CADM2: variants seen among roughly 807,000 people sequenced by gnomAD.
CADM2 encodes the protein cell adhesion molecule 2.
CADM2 carries 12 observed loss-of-function variants against 49.8 expected under a neutral mutation model. That is an observed-to-expected ratio of 0.24 (90% CI 0.15 to 0.39). CADM2 has a LOEUF of 0.39. Among genes scored for constraint, CADM2 ranks in the 10% least tolerant of loss-of-function variants. CADM2 has a pLI of 1.00. For synonymous variants in CADM2, 214 were observed against 175.4 expected (o/e 1.22, Z -1.74); for missense variants, 378 against 492.3 (o/e 0.77, Z 2.20).
At chr3:85,975,561 A>G (rs895004951) in intron 8 of CADM2, among the ~76,000 whole-genome samples, 1 of 150,344 alleles carries the variant, frequency 6.7e-6, no homozygotes, top group Non-Finnish European at 1.5e-5. Flanking sequence ...TTTTATTAGA[A>G]CATATTTTAT....
chr3:85,430,647 GA>G (rs2036618538), intron 1 of CADM2, among the ~76,000 whole-genome samples: 2 of 142,930 alleles, frequency 1.4e-5, no homozygotes, highest in African/African-American at 5.2e-5. Flanking sequence ...AAAGAGAGGA[GA>G]AAAACAGAAA....
intron 1 of CADM2, among the ~76,000 whole-genome samples, chr3:85,609,155 C>A (rs2107441743): frequency 6.6e-6 from 1 of 152,036 alleles, no homozygotes; most frequent in East Asian, 1.9e-4. Context: ...GAAGCCCACT[C>A]CTGGTGTACC....
At chr3:85,652,458 T>A (rs1228311171) in intron 1 of CADM2, among the ~76,000 whole-genome samples, 1 of 151,992 alleles carries the variant, frequency 6.6e-6, no homozygotes, top group Admixed American at 6.5e-5. Context: ...AGTTAAGGAG[T>A]TTGATCAGGT....
At chr3:85,115,955 C>T (rs570024559) in intron 1 of CADM2, among the ~76,000 whole-genome samples, 68 of 152,306 alleles carry the variant, frequency 4.5e-4, no homozygotes, top group African/African-American at 1.6e-3. Context: ...AACTGAATAA[C>T]ATCAGTAACA....
intron 8 of CADM2, among the ~76,000 whole-genome samples, chr3:86,003,522 A>G (rs1217299673): frequency 2.6e-5 from 4 of 152,218 alleles, no homozygotes; most frequent in Admixed American, 2.0e-4. Context: ...TGTGACTACA[A>G]TAATATTGCT....
intron 8 of CADM2, among the ~76,000 whole-genome samples, chr3:85,968,477 A>T (rs1414348980): frequency 6.6e-6 from 1 of 151,704 alleles, no homozygotes; most frequent in African/African-American, 2.4e-5. Context: ...CTGTTGAGAG[A>T]TGCCATTCTG....
chr3:85,434,921 G>A (rs574378464), intron 1 of CADM2, among the ~76,000 whole-genome samples: 1 of 151,930 alleles, frequency 6.6e-6, no homozygotes. Context: ...GTTGTATAGT[G>A]GATATAAGAG....
intron 1 of CADM2, among the ~76,000 whole-genome samples, chr3:85,149,479 C>A (rs1397165619): frequency 6.6e-6 from 1 of 152,190 alleles, no homozygotes; most frequent in East Asian, 1.9e-4. Context: ...GTAATCCCAG[C>A]ACTTTGGGAG....
chr3:85,822,702 A>G (rs2073662624), intron 3 of CADM2, among the ~76,000 whole-genome samples: 1 of 152,186 alleles, frequency 6.6e-6, no homozygotes, highest in African/African-American at 2.4e-5. Context: ...TTTATCCTAT[A>G]AAGTTATAGT....
chr3:85,768,492 A>G (rs532705842), intron 2 of CADM2, among the ~76,000 whole-genome samples: 40 of 73,826 alleles, frequency 5.4e-4, no homozygotes, highest in Middle Eastern at 6.3e-3. Context: ...AAATAAATTT[A>G]AAATACTTTT....
chr3:85,851,579 A>C lies in CADM2; in HGVS notation c.239-31712A>C, dbSNP rs7650769. Among the ~76,000 whole-genome samples, 317 of 150,852 alleles carry C rather than the reference A, an allele frequency of 2.1e-3. 1 individual carries two copies. Among genetic ancestry groups the C allele is most frequent in the African/African-American group, 7.5e-3 (309 of 40,960 alleles). On this transcript the variant is annotated intron_variant, in intron 3 of 9. Coordinates refer to ENST00000383699, the MANE Select transcript of CADM2 (RefSeq NM_001167675.2). ...ATTTTTCATGAATTTAAGTCCGAGA[A>C]TAAGCACAGCTTAATATAAATTTAC...
At chr3:85,842,209 G>A (rs1368969065) in intron 3 of CADM2, among the ~76,000 whole-genome samples, 2 of 152,052 alleles carry the variant, frequency 1.3e-5, no homozygotes, top group South Asian at 2.1e-4. Context: ...TCTGTTCTGC[G>A]AGGTCCCACA....
At chr3:85,620,097 A>G (rs1471501173) in intron 1 of CADM2, among the ~76,000 whole-genome samples, 3 of 152,284 alleles carry the variant, frequency 2.0e-5, no homozygotes, top group African/African-American at 4.8e-5. Flanking sequence ...TTCATGCCCA[A>G]TAGCCCAATA....
chr3:85,981,908 T>C (rs1408234552), intron 8 of CADM2, among the ~76,000 whole-genome samples: 1 of 151,724 alleles, frequency 6.6e-6, no homozygotes, highest in Non-Finnish European at 1.5e-5. Context: ...TAGTTCTGTT[T>C]TAATTTCTCT....
chr3:85,893,497 G>T (rs939280043), intron 5 of CADM2, among the ~76,000 whole-genome samples: 15 of 152,118 alleles, frequency 9.9e-5, no homozygotes, highest in African/African-American at 2.7e-4. Context: ...TTGACAAATG[G>T]GATCTAATTA....
chr3:85,205,009 C>A (rs1269042252), intron 1 of CADM2, among the ~76,000 whole-genome samples: 1 of 150,188 alleles, frequency 6.7e-6, no homozygotes, highest in East Asian at 1.9e-4. Context: ...TTTAAAACTA[C>A]TTTACTTAAT....
intron 8 of CADM2, among the ~76,000 whole-genome samples, chr3:85,977,364 T>C (rs1477072231): frequency 1.3e-5 from 2 of 151,476 alleles, no homozygotes; most frequent in Admixed American, 6.6e-5. Context: ...TAACAGATCA[T>C]TTACATGGAG....
intron 7 of CADM2, among the ~76,000 whole-genome samples, chr3:85,952,319 C>A (rs1723535755): frequency 6.6e-6 from 1 of 150,666 alleles, no homozygotes; most frequent in Non-Finnish European, 1.5e-5. Context: ...ATTGCCTTTT[C>A]TTATTTTCTA....
At chr3:85,455,416 C>A (rs1471975928) in intron 1 of CADM2, among the ~76,000 whole-genome samples, 3 of 152,122 alleles carry the variant, frequency 2.0e-5, no homozygotes, top group Non-Finnish European at 4.4e-5. Context: ...TCTGTTACAT[C>A]CACCCTACTG....
Sources: allele counts gnomAD v4.1 joint callset (sites outside exome capture counted in the v4.1 genomes callset), GRCh38; gene constraint gnomAD v4.1.1; transcripts MANE v1.5; gene names NCBI Gene and HGNC (gene_info 2026-07-23, HGNC 2026-07-21).